The following TJP3 variants were observed in gnomAD, a reference collection of about 807,000 sequenced individuals.
The protein encoded by TJP3 is tight junction protein 3, also known as tight junction protein ZO-3.
Under a neutral mutation model 104.2 loss-of-function variants are expected in TJP3, and 85 were observed. That is an observed-to-expected ratio of 0.82 (90% CI 0.68 to 0.98). The LOEUF (loss-of-function observed/expected upper bound fraction) is 0.98. TJP3 is among the 50% of genes least tolerant of loss of function. The pLI is 0.00. For missense variants in TJP3, 1,367 were observed against 1,322.8 expected (o/e 1.03, Z -0.52); for synonymous variants, 550 against 550.6 (o/e 1.00, Z 0.02).
chr19:3,741,419 A>G (rs890788636), intron 14 of TJP3, among the ~76,000 whole-genome samples: 2 of 152,054 alleles, frequency 1.3e-5, no homozygotes, highest in African/African-American at 4.8e-5. Context: ...GCAGTGAGCT[A>G]TGATCGCACC....
chr19:3,738,492 G>C (rs929799251), intron 11 of TJP3, 63 bp from the exon 12 acceptor site: 2 of 1,442,272 alleles, frequency 1.4e-6, no homozygotes, highest in African/African-American at 2.8e-5. Context: ...GGAAGGTCCA[G>C]GATCTCATGC....
rs2036664128 is a variant in TJP3 at position 3,730,970 on chromosome 19, C to T, written c.613+264C>T. Among the ~76,000 whole-genome samples the T allele has an allele frequency of 6.6e-6, 1 of 152,144 alleles. No individual in the cohort carries two copies. Among genetic ancestry groups the T allele is most frequent in the Non-Finnish European group, 1.5e-5 (1 of 68,020 alleles). ...TGCTTGCTGGGATTGTGGGCGTGAG[C>T]CACCGCGCCCAGCCTGGAAGCTACA... On this transcript the variant is annotated intron_variant, in intron 5 of 20. Coordinates refer to ENST00000541714, the MANE Select transcript of TJP3 (RefSeq NM_001267560.2). The surrounding 1 kb of genome is among the most constrained non-coding windows in gnomAD (Gnocchi z 7.3).
rs1421328174 is a variant in TJP3 at position 3,716,801 on chromosome 19, A to ATATTTTT, written c.-10+8241_-10+8242insATTTTTT. 6.3e-4 allele frequency among the ~76,000 whole-genome samples: 52 copies of ATATTTTT among 81,932 alleles called. 1 individual carries two copies. The highest frequency in any genetic ancestry group is 2.5e-3 in the African/African-American group (51 of 20,420). 53.8% of individuals were successfully genotyped at this position (81,932 alleles called of 152,430 possible). On this transcript the variant is annotated intron_variant, in intron 1 of 20. Transcript: ENST00000541714. ...CATACATATATATATATATATATAT[A>ATATTTTT]TTTTTTTTTTTTTTTTGAAACAGAG...
At chr19:3,717,018 T>G (rs1316973421) in intron 1 of TJP3, among the ~76,000 whole-genome samples, 1 of 136,428 alleles carries the variant, frequency 7.3e-6, no homozygotes, top group Admixed American at 7.8e-5. Context: ...CAGGCTGGAG[T>G]GCAATGGCCC....
intron 14 of TJP3, among the ~76,000 whole-genome samples, chr19:3,741,023 G>T (rs1332299777): frequency 6.6e-6 from 1 of 151,874 alleles, no homozygotes; most frequent in East Asian, 1.9e-4. Context: ...TTTATTTTTA[G>T]ACAGAGTCTT....
intron 15 of TJP3, among the ~76,000 whole-genome samples, chr19:3,744,322 C>G (rs1197012363): frequency 1.3e-5 from 2 of 152,188 alleles, no homozygotes; most frequent in African/African-American, 4.8e-5. Flanking sequence ...TCTGAGACAG[C>G]AGTGAACACG....
chr19:3,736,728 C>A (rs1433309370), intron 11 of TJP3, among the ~76,000 whole-genome samples: 3 of 151,928 alleles, frequency 2.0e-5, no homozygotes, highest in Non-Finnish European at 2.9e-5. Flanking sequence ...TTGTCCACCA[C>A]CACGCCCGGC....
rs191948736 is a variant in TJP3, at chr19:3,729,009, C to T, written c.158+296C>T. On this transcript the variant is annotated intron_variant, in intron 3 of 20. Coordinates refer to ENST00000541714, the MANE Select transcript of TJP3 (RefSeq NM_001267560.2). ...CAGAGGTTGCGGTGAGCCAAGATTG[C>T]GCCACTGCACTCCAGCCTGGGTGAC... 1.1e-4 allele frequency among the ~76,000 whole-genome samples: 16 copies of T among 152,112 alleles called. No homozygotes were observed. In the East Asian group the frequency reaches 2.7e-3, roughly 26 times the overall value.
rs1599151839 is a variant in TJP3, at chr19:3,730,396, A to G, written c.303A>G (p.Lys101=). The change falls in exon 5 of 21, where the codon AAA becomes AAG. Residue 101 remains lysine, a synonymous_variant. Transcript: ENST00000541714. This position sits in a 1 kb window ranked among gnomAD's most constrained non-coding sequence, Gnocchi z 7.3. ...GGAGGATCCACCTGCCCGCCACCAA[A>G]GCCAGCCCCTCCAGCCCAGGGCGCC... is the stretch of plus-strand genomic sequence containing the variant. The part of the protein sequence containing the change: ...RPRRIHLPAT[K]ASPSSPGRQD... 1 of 1,563,146 alleles carries G rather than the reference A, an allele frequency of 6.4e-7. No individual in the cohort carries two copies. The highest frequency in any genetic ancestry group is 2.3e-5 in the East Asian group (1 of 43,604).
rs767557504 is a variant in TJP3 at position 3,728,457 on chromosome 19, C to T, written c.25C>T (p.Gln9Ter). ...CATGGAGGAGCTGACCATCTGGGAA[C>T]AGCACACGGCCACACTGTCCAAGGT... Reference protein sequence around the residue: MEELTIWEQHTATLSKDPR... With the variant: MEELTIWE Residue 9 changes from glutamine to a stop codon, truncating the protein, a stop_gained, in exon 2 of 21, where the codon CAG (glutamine) becomes TAG (stop). Coordinates refer to ENST00000541714, the MANE Select transcript of TJP3 (RefSeq NM_001267560.2). LOFTEE classifies it high-confidence loss of function. 13 of 1,613,526 alleles carry T rather than the reference C, an allele frequency of 8.1e-6. No homozygotes were observed. The South Asian group carries it at 1.4e-4, about 18-fold the overall frequency.
intron 1 of TJP3, among the ~76,000 whole-genome samples, chr19:3,715,120 C>T (rs1453565697): frequency 4.8e-5 from 7 of 146,002 alleles, no homozygotes; most frequent in African/African-American, 1.5e-4. Context: ...GATGGAGTCT[C>T]GCTCTGTCGC....
At chr19:3,714,612 A>G (rs2145663137) in intron 1 of TJP3, among the ~76,000 whole-genome samples, 1 of 152,208 alleles carries the variant, frequency 6.6e-6, no homozygotes, top group Middle Eastern at 3.4e-3. Flanking sequence ...ATATGTAACT[A>G]AAAAGTACAA....
chr19:3,717,626 G>T (rs1362473752), intron 1 of TJP3, among the ~76,000 whole-genome samples: 1 of 150,758 alleles, frequency 6.6e-6, no homozygotes. Context: ...TGTAGAGATG[G>T]GTTTTGCCCT....
chr19:3,723,133 G>C lies in TJP3; in HGVS notation c.-9-5291G>C, dbSNP rs140911578. Among the ~76,000 whole-genome samples, 546 of 152,328 alleles carry C rather than the reference G, an allele frequency of 3.6e-3. 7 individuals carry two copies. The highest frequency in any genetic ancestry group is 0.012 in the African/African-American group (514 of 41,578). ...CTCAAACTCTTCCCTAAGGGGGCCTGGTCCTATGGGGTCCCAGGGGCCCAT... is the reference window on the plus strand; with the variant it reads ...CTCAAACTCTTCCCTAAGGGGGCCTCGTCCTATGGGGTCCCAGGGGCCCAT... On this transcript the variant is annotated intron_variant, in intron 1 of 20. Coordinates refer to ENST00000541714, the MANE Select transcript of TJP3 (RefSeq NM_001267560.2).
At chr19:3,716,802 T>TATATATA (rs1491300447) in intron 1 of TJP3, among the ~76,000 whole-genome samples, 115 of 47,362 alleles carry the variant, frequency 2.4e-3, no homozygotes, top group African/African-American at 8.3e-3. Context: ...TATATATATA[T>TATATATA]TTTTTTTTTT....
intron 1 of TJP3, among the ~76,000 whole-genome samples, chr19:3,709,061 C>G (rs2036410088): frequency 6.6e-6 from 1 of 152,200 alleles, no homozygotes; most frequent in African/African-American, 2.4e-5. Flanking sequence ...TCACCCTGTT[C>G]TCACCGCTGG....
rs755044716 is a variant in TJP3, at chr19:3,738,917, T to G, written c.1414T>G (p.Ser472Ala). 74 of 1,606,108 alleles carry G rather than the reference T, an allele frequency of 4.6e-5. No homozygotes were observed. The highest frequency in any genetic ancestry group is 6.0e-5 in the Non-Finnish European group (70 of 1,175,166). The change falls in exon 13 of 21, where the codon TCC becomes GCC. Residue 472 changes from serine to alanine, a missense_variant. By Grantham distance (99) the Ser-to-Ala change is moderately conservative. Transcript: ENST00000541714. ...CCCAGTTTTCTGGAAAATGGTGCAGTCCCGCGTGGGTGACTCCTTCTACAT... is the reference window on the plus strand; with the variant it reads ...CCCAGTTTTCTGGAAAATGGTGCAGGCCCGCGTGGGTGACTCCTTCTACAT... The part of the protein sequence containing the change: ...KQDIFWKMVQ[S>A]RVGDSFYIRT...
At position 3,733,739 on chromosome 19, in the gene TJP3, C is replaced by T. The variant is rs757371549; in HGVS notation, c.718-14C>T. The T allele has an allele frequency of 6.2e-7, 1 of 1,613,778 alleles. No homozygotes were observed. Among genetic ancestry groups the T allele is most frequent in the Non-Finnish European group, 8.5e-7 (1 of 1,179,690 alleles). On this transcript the variant is annotated splice_polypyrimidine_tract_variant and intron_variant, in intron 6 of 20. Coordinates refer to ENST00000541714, the MANE Select transcript of TJP3 (RefSeq NM_001267560.2). ...TTAACTCACTTCCGCTCTTTCATTC[C>T]TGGTCCCTTTCAGATCAACGGGGTG...
intron 1 of TJP3, chr19:3,721,752 A>C (rs1041817779): frequency 1.0e-5 from 4 of 400,652 alleles, no homozygotes; most frequent in African/African-American, 4.2e-5. Context: ...GGAGCTGCGG[A>C]GCTGGAGGGA....
Sources: allele counts gnomAD v4.1 joint callset (sites outside exome capture counted in the v4.1 genomes callset), GRCh38; gene constraint gnomAD v4.1.1; non-coding constraint Gnocchi (gnomAD v3.1); transcripts MANE v1.5; gene names NCBI Gene and HGNC (gene_info 2026-07-23, HGNC 2026-07-21).